The following ROBO1 variants were observed in gnomAD, a reference collection of about 807,000 sequenced individuals.
ROBO1 encodes the protein roundabout homolog 1.
In ROBO1, 149 loss-of-function variants were observed where a neutral mutation model predicts 195.9. The ratio of observed to expected loss-of-function variants is 0.76; its 90% CI spans 0.67 to 0.87. The LOEUF (loss-of-function observed/expected upper bound fraction) is 0.87. Ranked by LOEUF, ROBO1 falls within the 40% of genes least tolerant of loss-of-function variation. The probability of loss-of-function intolerance (pLI) is 0.00; values close to 1 mark genes in which losing one functional copy is unlikely to be tolerated. For missense variants in ROBO1, 1,933 were observed against 2,068.3 expected, an observed-to-expected ratio of 0.93 and a Z score of 1.27; for synonymous variants, 816 against 733.2, an observed-to-expected ratio of 1.11 and a Z score of -1.82.
rs544641523 is a variant in ROBO1 at position 78,933,339 on chromosome 3, A to C, written c.499+5262T>G. 5.9e-5 allele frequency among the ~76,000 whole-genome samples: 9 copies of C among 152,244 alleles called. No individual in the cohort carries two copies. The East Asian group carries it at 1.7e-3, about 29-fold the overall frequency. On this transcript the variant is annotated intron_variant, in intron 4 of 30. Transcript: ENST00000464233. The stretch of plus-strand genomic sequence containing the variant: ...ATATTAACTACTCTTTGGAAAGCAA[A>C]ATCTAAAAACATAAAGAGAATTTTA...
At chr3:79,011,604 A>G (rs1258772453) in intron 3 of ROBO1, among the ~76,000 whole-genome samples, 9 of 151,214 alleles carry the variant, frequency 6.0e-5, no homozygotes, top group Non-Finnish European at 1.3e-4. Context: ...TTCTACCAAA[A>G]CCCAGGAATG....
chr3:79,480,732 C>A (rs1414616003), intron 2 of ROBO1, among the ~76,000 whole-genome samples: 3 of 152,048 alleles, frequency 2.0e-5, no homozygotes, highest in Non-Finnish European at 4.4e-5. Context: ...AATGCATATT[C>A]AAGAAATTGG....
intron 2 of ROBO1, among the ~76,000 whole-genome samples, chr3:79,570,929 A>G (rs1943257205): frequency 6.6e-6 from 1 of 152,168 alleles, no homozygotes; most frequent in African/African-American, 2.4e-5. Flanking sequence ...TTGAGTGATC[A>G]TGTTAGCAAC....
At chr3:79,550,189 A>T (rs1942436000) in intron 2 of ROBO1, among the ~76,000 whole-genome samples, 1 of 106,786 alleles carries the variant, frequency 9.4e-6, no homozygotes, top group Non-Finnish European at 2.0e-5. Context: ...GAAAGAAAGA[A>T]AGAAAGGAAA....
chr3:79,114,740 T>A (rs533915810), intron 3 of ROBO1, among the ~76,000 whole-genome samples: 1 of 152,206 alleles, frequency 6.6e-6, no homozygotes, highest in Non-Finnish European at 1.5e-5. Flanking sequence ...CTCACATTTT[T>A]CATTATATAC....
chr3:79,484,422 AT>A (rs1213063981), intron 2 of ROBO1, among the ~76,000 whole-genome samples: 1 of 152,170 alleles, frequency 6.6e-6, no homozygotes, highest in Non-Finnish European at 1.5e-5. Flanking sequence ...ATTTAAAGTC[AT>A]TCTGTTACAT....
intron 4 of ROBO1, among the ~76,000 whole-genome samples, chr3:78,864,211 C>T (rs1175786528): frequency 6.6e-6 from 1 of 152,132 alleles, no homozygotes; most frequent in East Asian, 1.9e-4. Flanking sequence ...AAGGGAATGC[C>T]ATTTACCTTT....
chr3:78,810,951 C>G (rs775817921), intron 4 of ROBO1, among the ~76,000 whole-genome samples: 1 of 152,136 alleles, frequency 6.6e-6, no homozygotes, highest in East Asian at 1.9e-4. Context: ...AAGGACAAAA[C>G]TGGGAAGAAA....
At chr3:79,699,937 C>G (rs1947564408) in intron 1 of ROBO1, among the ~76,000 whole-genome samples, 2 of 151,538 alleles carry the variant, frequency 1.3e-5, no homozygotes, top group African/African-American at 4.8e-5. Context: ...ATCCTGTCAC[C>G]CAGGTACTGA....
intron 2 of ROBO1, among the ~76,000 whole-genome samples, chr3:79,370,371 T>G (rs1303374567): frequency 1.3e-5 from 2 of 151,682 alleles, no homozygotes; most frequent in African/African-American, 4.8e-5. Context: ...AAAAAAAAAG[T>G]TCCTTTAAAA....
chr3:78,899,353 G>A (rs201317293), intron 4 of ROBO1, among the ~76,000 whole-genome samples: 1 of 152,052 alleles, frequency 6.6e-6, no homozygotes, highest in Non-Finnish European at 1.5e-5. Flanking sequence ...ATCTGATTAG[G>A]CAATTAATAG....
chr3:79,105,775 C>T (rs923228922), intron 3 of ROBO1, among the ~76,000 whole-genome samples: 1 of 151,730 alleles, frequency 6.6e-6, no homozygotes, highest in Non-Finnish European at 1.5e-5. Context: ...TACCACAAAG[C>T]TACATGCTAT....
intron 4 of ROBO1, among the ~76,000 whole-genome samples, chr3:78,862,263 G>A (rs948108638): frequency 2.0e-5 from 3 of 152,014 alleles, no homozygotes; most frequent in Non-Finnish European, 4.4e-5. Flanking sequence ...AGGCATAAAG[G>A]CAATCTTTAG....
At chr3:79,324,770 C>T (rs920303402) in intron 2 of ROBO1, among the ~76,000 whole-genome samples, 9 of 152,128 alleles carry the variant, frequency 5.9e-5, no homozygotes, top group African/African-American at 1.7e-4. Flanking sequence ...CAAGTGAAAA[C>T]ATGAGAATGT....
chr3:78,666,168 A>G (rs1352670070), intron 14 of ROBO1, among the ~76,000 whole-genome samples: 1 of 151,926 alleles, frequency 6.6e-6, no homozygotes, highest in Non-Finnish European at 1.5e-5. Context: ...CCATGATTGT[A>G]AGTTTTCTGA....
Position 78,867,866 on chromosome 3 carries a change from A to T in ROBO1, c.499+70735T>A, listed in dbSNP as rs944281856. Reference sequence around the variant, plus strand: ...GAAGACTTTTCTGCCATCTCCGAAAATCTCATACTGTGGGGCAGAAAATGT... The same window carrying T: ...GAAGACTTTTCTGCCATCTCCGAAATTCTCATACTGTGGGGCAGAAAATGT... On this transcript the variant is annotated intron_variant, in intron 4 of 30. Coordinates refer to ENST00000464233, the MANE Select transcript of ROBO1 (RefSeq NM_002941.4). Among the ~76,000 whole-genome samples, 16 of 152,074 alleles carry T rather than the reference A, an allele frequency of 1.1e-4. 1 individual carries two copies. Among genetic ancestry groups the T allele is most frequent in the African/African-American group, 3.6e-4 (15 of 41,422 alleles).
At chr3:79,242,535 G>A (rs1381374530) in intron 2 of ROBO1, among the ~76,000 whole-genome samples, 1 of 152,130 alleles carries the variant, frequency 6.6e-6, no homozygotes, top group Non-Finnish European at 1.5e-5. Context: ...TCACATATAG[G>A]AAAGTAGGTG....
In ROBO1 at chr3:78,730,454, C is replaced by T. The variant is rs190869632; in HGVS notation, c.658-12571G>A. On this transcript the variant is annotated intron_variant, in intron 5 of 30. Coordinates refer to ENST00000464233, the MANE Select transcript of ROBO1 (RefSeq NM_002941.4). ...ACTTTACAGAAATGCATTTTTTATT[C>T]AAAAATATAAACAGCATTTAATATT... Among the ~76,000 whole-genome samples, 179 of 104,164 alleles carry T rather than the reference C, an allele frequency of 1.7e-3. 22 individuals carry two copies. Among genetic ancestry groups the T allele is most frequent in the Middle Eastern group, 5.6e-3 (1 of 180 alleles). The allele number at this position is 104,164 out of a possible 152,430, so 68.3% of individuals were successfully genotyped here.
rs1024115525 is a variant in ROBO1, at chr3:78,657,172, C to T, written c.2540G>A (p.Arg847Gln). ...GCTGGCTGCCACTTCCACACTGTAT[C>T]GGATTCCAGGAACAAGAAAGGGAAT... ...VVIPFLVPGI[R>Q]YSVEVAASTG... Residue 847 changes from arginine to glutamine, a missense_variant, in exon 18 of 31, where the codon CGA becomes CAA. Physicochemically the swap from Arg to Gln is conservative, Grantham distance 43 (BLOSUM62 1). Transcript: ENST00000464233. The T allele has an allele frequency of 5.0e-6, 8 of 1,613,098 alleles. No individual in the cohort carries two copies. Among genetic ancestry groups the T allele is most frequent in the South Asian group, 3.3e-5 (3 of 90,822 alleles).
Sources: allele counts gnomAD v4.1 joint callset (sites outside exome capture counted in the v4.1 genomes callset), GRCh38; gene constraint gnomAD v4.1.1; transcripts MANE v1.5; gene names NCBI Gene and HGNC (gene_info 2026-07-23, HGNC 2026-07-21).